Variants in RABGAP1L observed in about 807,000 individuals in gnomAD.
The protein encoded by RABGAP1L is rab GTPase-activating protein 1-like.
In RABGAP1L, 63 loss-of-function variants were observed where a neutral mutation model predicts 137.7. The observed-to-expected ratio is 0.46, with a 90% CI of 0.37 to 0.56. RABGAP1L has a LOEUF of 0.56. Among genes scored for constraint, RABGAP1L ranks in the 20% least tolerant of loss-of-function variants. RABGAP1L has a pLI of 0.00. For missense variants in RABGAP1L, 1,095 were observed against 1,244.0 expected (o/e 0.88, Z 1.80); for synonymous variants, 431 against 433.7 (o/e 0.99, Z 0.08).
chr1:174,888,054 C>T (rs572034623), intron 19 of RABGAP1L, among the ~76,000 whole-genome samples: 1 of 151,674 alleles, frequency 6.6e-6, no homozygotes, highest in South Asian at 2.1e-4. Flanking sequence ...AAAAAAAATA[C>T]GATTACAAAA....
chr1:174,905,974 C>T (rs1659005413), intron 19 of RABGAP1L, among the ~76,000 whole-genome samples: 1 of 152,140 alleles, frequency 6.6e-6, no homozygotes, highest in Non-Finnish European at 1.5e-5. Flanking sequence ...CTTAGAATTA[C>T]TGGTGTTCAA....
chr1:174,231,327 G>C lies in RABGAP1L; in HGVS notation c.514G>C (p.Val172Leu). 6.2e-7 allele frequency: 1 copy of C among 1,614,054 alleles called. No homozygotes were observed. Among genetic ancestry groups the C allele is most frequent in the Non-Finnish European group, 8.5e-7 (1 of 1,179,974 alleles). Residue 172 changes from valine to leucine, a missense_variant, in exon 4 of 26, where the codon GTA becomes CTA. By Grantham distance (32) the Val-to-Leu change is conservative (BLOSUM62 1). Coordinates refer to ENST00000681986, the MANE Select transcript of RABGAP1L (RefSeq NM_001366446.1). The part of the protein sequence containing the change: ...SQYPFPVTLY[V>L]PNVPEGSVRI... ...ATACCCCTTTCCTGTTACCCTGTAT[G>C]TACCAAATGTTCCAGAAGGTTCTGT...
intron 1 of RABGAP1L, among the ~76,000 whole-genome samples, chr1:174,206,440 G>T (rs1668508375): frequency 6.6e-6 from 1 of 152,084 alleles, no homozygotes; most frequent in Non-Finnish European, 1.5e-5. Flanking sequence ...AAGAATTTTG[G>T]TTGGCAAATG....
At chr1:174,451,459 C>T (rs565030476) in intron 13 of RABGAP1L, among the ~76,000 whole-genome samples, 1 of 152,150 alleles carries the variant, frequency 6.6e-6, no homozygotes, top group Non-Finnish European at 1.5e-5. Context: ...ATGTGTTATA[C>T]CTTAAATCCT....
chr1:174,983,000 A>G (rs1269245304), intron 24 of RABGAP1L, 95 bp downstream of exon 24: 1 of 1,286,818 alleles, frequency 7.8e-7, no homozygotes, highest in Non-Finnish European at 1.1e-6. Context: ...ATTTTGTATT[A>G]AAGGATTTAT....
At chr1:174,229,868 T>A (rs1466709243) in intron 3 of RABGAP1L, among the ~76,000 whole-genome samples, 1 of 152,112 alleles carries the variant, frequency 6.6e-6, no homozygotes, top group African/African-American at 2.4e-5. Flanking sequence ...GTTGAACTAG[T>A]TTACAGTCCC....
intron 12 of RABGAP1L, among the ~76,000 whole-genome samples, chr1:174,380,373 C>T (rs142287688): frequency 0.032 from 4,792 of 151,758 alleles, 107 homozygotes; most frequent in Non-Finnish European, 0.044. Flanking sequence ...GTACCGGTTC[C>T]TCCTTGTACC....
chr1:174,658,944 C>A (rs1009906027), intron 14 of RABGAP1L, among the ~76,000 whole-genome samples: 1 of 152,074 alleles, frequency 6.6e-6, no homozygotes, highest in Non-Finnish European at 1.5e-5. Flanking sequence ...TTGTTTTAGG[C>A]ACCTGTAAAG....
At chr1:174,489,871 ATTCT>A (rs1195579979) in intron 13 of RABGAP1L, among the ~76,000 whole-genome samples, 2 of 151,958 alleles carry the variant, frequency 1.3e-5, no homozygotes, top group Admixed American at 1.3e-4. Context: ...AAGGTCACTA[ATTCT>A]TTCTTCTGCT....
chr1:174,709,274 G>T (rs566279555), intron 17 of RABGAP1L, among the ~76,000 whole-genome samples: 2 of 152,330 alleles, frequency 1.3e-5, no homozygotes, highest in East Asian at 3.9e-4. Flanking sequence ...ATTCCAGCCT[G>T]CCAGCTCTGA....
intron 13 of RABGAP1L, among the ~76,000 whole-genome samples, chr1:174,519,272 A>G (rs1172176711): frequency 1.3e-5 from 2 of 152,180 alleles, no homozygotes; most frequent in South Asian, 2.1e-4. Flanking sequence ...ATTAACTTAC[A>G]TGATCACAAG....
intron 13 of RABGAP1L, among the ~76,000 whole-genome samples, chr1:174,532,397 C>G (rs1964103): frequency 0.09 from 13,617 of 151,808 alleles, 828 homozygotes; most frequent in East Asian, 0.22. Context: ...TTAGTAGAGA[C>G]AGGGTTTCAC....
intron 18 of RABGAP1L, among the ~76,000 whole-genome samples, chr1:174,760,088 G>A (rs1392161725): frequency 6.6e-5 from 10 of 152,268 alleles, no homozygotes; most frequent in Middle Eastern, 3.4e-3. Flanking sequence ...TGTTAGCAGT[G>A]GAACTGACAG....
intron 13 of RABGAP1L, among the ~76,000 whole-genome samples, chr1:174,433,860 C>T (rs146185817): frequency 1.3e-5 from 2 of 152,276 alleles, no homozygotes; most frequent in Non-Finnish European, 1.5e-5. Context: ...TTAGGGCTCT[C>T]ATTTCGTGGC....
At position 174,448,388 on chromosome 1, in the gene RABGAP1L, A is replaced by G; in HGVS notation, c.1710+54243A>G. ...ATATGCTGATCTTTTCGTTGGAGTT[A>G]GCTGCTTGGTTCCTACTCTGTCACT... is the stretch of plus-strand genomic sequence containing the variant. On this transcript the variant is annotated intron_variant, in intron 13 of 25. Coordinates refer to ENST00000681986, the MANE Select transcript of RABGAP1L (RefSeq NM_001366446.1). The surrounding 1 kb of genome is among the most constrained non-coding windows in gnomAD (Gnocchi z 4.2). The G allele has an allele frequency of 6.2e-7, 1 of 1,613,494 alleles. No homozygotes were observed. Among genetic ancestry groups the G allele is most frequent in the Non-Finnish European group, 8.5e-7 (1 of 1,179,440 alleles).
intron 17 of RABGAP1L, among the ~76,000 whole-genome samples, chr1:174,710,525 A>C (rs1000091607): frequency 2.7e-4 from 41 of 152,222 alleles, no homozygotes; most frequent in Non-Finnish European, 5.4e-4. Context: ...CCAATTTTTA[A>C]CATTCTTAAA....
intron 18 of RABGAP1L, among the ~76,000 whole-genome samples, chr1:174,790,956 T>G (rs1399608295): frequency 6.6e-6 from 1 of 151,730 alleles, no homozygotes; most frequent in African/African-American, 2.4e-5. Context: ...TTTGGGAGGC[T>G]GAGGTGGGTG....
At chr1:174,958,251 G>C (rs10798329) in intron 20 of RABGAP1L, 1,146,064 of 1,187,416 alleles carry the variant, frequency 0.97, 553,231 homozygotes, top group East Asian at 1. Flanking sequence ...TGATATTTGA[G>C]TTAAAGTATG....
intron 11 of RABGAP1L, chr1:174,367,859 C>T (rs539581832): frequency 6.3e-6 from 1 of 159,174 alleles, no homozygotes; most frequent in Admixed American, 6.3e-5. Flanking sequence ...TATTCTCATC[C>T]TAAATTGCTG....
Sources: gnomAD v4.1 joint callset for allele counts (sites outside exome capture counted in the v4.1 genomes callset) on GRCh38, gnomAD v4.1.1 for gene constraint, Gnocchi (gnomAD v3.1) non-coding constraint, MANE v1.5 for transcripts, NCBI Gene and HGNC (gene_info 2026-07-23, HGNC 2026-07-21) for gene names.